The following ADAP1 variants were observed in gnomAD, a reference collection of about 807,000 sequenced individuals.
The protein encoded by ADAP1 is arf-GAP with dual PH domain-containing protein 1.
Under a neutral mutation model 54.9 loss-of-function variants are expected in ADAP1, and 31 were observed. The observed-to-expected ratio is 0.56, with a 90% CI of 0.42 to 0.76. The LOEUF (loss-of-function observed/expected upper bound fraction) is 0.76. Among genes scored for constraint, ADAP1 ranks in the 30% least tolerant of loss-of-function variants. The pLI is 0.00. For synonymous variants in ADAP1, 313 were observed against 202.6 expected (o/e 1.55, Z -4.63); for missense variants, 535 against 512.4 (o/e 1.04, Z -0.42).
At chr7:927,731 T>C (rs1305263632) in intron 2 of ADAP1, among the ~76,000 whole-genome samples, 2 of 152,028 alleles carry the variant, frequency 1.3e-5, no homozygotes, top group Non-Finnish European at 1.5e-5. Flanking sequence ...AGTGGCTGGA[T>C]GAGAAATGTC....
chr7:900,925 T>C (rs1370607845), intron 6 of ADAP1: 1 of 569,304 alleles, frequency 1.8e-6, no homozygotes, highest in Non-Finnish European at 3.4e-6. Context: ...GGGGCTGCCA[T>C]CCAAGCTCAC....
chr7:927,791 G>C (rs192911982), intron 2 of ADAP1, among the ~76,000 whole-genome samples: 10 of 152,240 alleles, frequency 6.6e-5, no homozygotes, highest in African/African-American at 9.6e-5. Context: ...CGAGAGCCTC[G>C]ACCCGAGACA....
At position 899,420 on chromosome 7, in the gene ADAP1, AG is replaced by A; in HGVS notation, c.865del (p.Leu289TrpfsTer115). On this transcript the variant is annotated frameshift_variant and splice_region_variant, in exon 9 of 11. Transcript: ENST00000265846. LOFTEE classifies it high-confidence loss of function. ...GCTGGGGCCACAGCTCCTCCTTACC[AG>A]GGGGTCTTTGAAGTACATGAGCCTG... Reference protein sequence around the residue: ...DRRLMYFKDPLDAFARGEVFI... With the variant: ...DRRLMYFKDPXDAFARGEVFI... 6.2e-7 allele frequency: 1 copy of A among 1,612,968 alleles called. No homozygotes were observed.
intron 1 of ADAP1, among the ~76,000 whole-genome samples, chr7:939,647 A>T (rs1451645965): frequency 2.0e-5 from 3 of 151,784 alleles, no homozygotes; most frequent in Non-Finnish European, 1.5e-5. Context: ...TCTGGCCAAC[A>T]TAGTGAAACC....
At chr7:923,813 C>T (rs1427529024) in intron 3 of ADAP1, among the ~76,000 whole-genome samples, 1 of 152,214 alleles carries the variant, frequency 6.6e-6, no homozygotes, top group Non-Finnish European at 1.5e-5. Flanking sequence ...GAGCTTTCCC[C>T]TGAAGACCTT....
Position 905,276 on chromosome 7 carries a change from GGACAC to G in ADAP1, c.389-109_389-105del, listed in dbSNP as rs1434273253. The stretch of plus-strand genomic sequence containing the variant: ...AGGGGACATGGGGAGAAGACACGGG[GGACAC>G]GGACGGGGGACACGGACAGGGGGAG... On this transcript the variant is annotated intron_variant, in intron 4 of 10. Coordinates refer to ENST00000265846, the MANE Select transcript of ADAP1 (RefSeq NM_006869.4). The G allele has an allele frequency of 9.6e-5, 40 of 417,184 alleles. 3 individuals are homozygous for G. The African/African-American group carries it at 1.0e-3, about 11-fold the overall frequency. 25.8% of individuals were successfully genotyped at this position (417,184 alleles called of 1,614,324 possible).
In ADAP1 at chr7:926,668, C is replaced by G; in HGVS notation, c.214-24G>C. 1 of 1,529,148 alleles carries G rather than the reference C, an allele frequency of 6.5e-7. No homozygotes were observed. Among genetic ancestry groups the G allele is most frequent in the Non-Finnish European group, 8.8e-7 (1 of 1,137,136 alleles). 94.7% of individuals were successfully genotyped at this position (1,529,148 alleles called of 1,614,324 possible). A position where few individuals can be genotyped will look rare whatever the true frequency, so the allele number is the denominator to read the frequency against. On this transcript the variant is annotated intron_variant, in intron 2 of 10. Transcript: ENST00000265846. The surrounding 1 kb of genome is among the most constrained non-coding windows in gnomAD (Gnocchi z 4.6). ...AACTGCAAGAGAGGAGGGGCCGGGT[C>G]AGAGGCCTGGGGTCCCAGGGGCAGC...
At chr7:901,256 C>A in intron 6 of ADAP1, 1 of 353,094 alleles carries the variant, frequency 2.8e-6, no homozygotes, top group Non-Finnish European at 5.6e-6. Flanking sequence ...CCTGGCTGTC[C>A]CCTGCCCCTA....
chr7:926,926 G>C lies in ADAP1; in HGVS notation c.214-282C>G, dbSNP rs962228371. On this transcript the variant is annotated intron_variant, in intron 2 of 10. Coordinates refer to ENST00000265846, the MANE Select transcript of ADAP1 (RefSeq NM_006869.4). The surrounding 1 kb of genome is among the most constrained non-coding windows in gnomAD (Gnocchi z 4.6). ...CCTTTTGAGGATGGGTCTGAGGTTT[G>C]CCCCACCGTTTCAACCCCCAAGTCC... 3 of 1,213,964 alleles carry C rather than the reference G, an allele frequency of 2.5e-6. No individual in the cohort carries two copies. The highest frequency in any genetic ancestry group is 3.2e-6 in the Non-Finnish European group (3 of 924,020). 75.2% of individuals were successfully genotyped at this position (1,213,964 alleles called of 1,614,324 possible).
chr7:905,595 AGAAAGGAGAAAGGAGAAAGGAGAAAGG>A (rs1845178818), intron 4 of ADAP1: 3 of 27,946 alleles, frequency 1.1e-4, no homozygotes, highest in Non-Finnish European at 1.1e-4. Flanking sequence ...AGGAGAAAGG[AGAAAGGAGAAAGGAGAAAGGAGAAAGG>A]GAAAGGAGAA....
chr7:915,227 A>ACCT (rs879895930), intron 4 of ADAP1, among the ~76,000 whole-genome samples: 2 of 36,620 alleles, frequency 5.5e-5, no homozygotes, highest in African/African-American at 1.4e-4. Context: ...CCCTGCACTC[A>ACCT]CACCTGCACA....
At chr7:906,709 C>CAG (rs1554272421) in intron 4 of ADAP1, among the ~76,000 whole-genome samples, 6 of 41,688 alleles carry the variant, frequency 1.4e-4, no homozygotes, top group South Asian at 7.6e-4. Context: ...ACATGGGGGA[C>CAG]GGGACATCGG....
chr7:945,737 T>A lies in ADAP1; in HGVS notation c.82+8659A>T. 1 of 985,894 alleles carries A rather than the reference T, an allele frequency of 1.0e-6. No homozygotes were observed. Among genetic ancestry groups the A allele is most frequent in the Non-Finnish European group, 1.2e-6 (1 of 830,182 alleles). The allele number at this position is 985,894 out of a possible 1,614,324, so 61.1% of individuals were successfully genotyped here. On this transcript the variant is annotated intron_variant, in intron 1 of 10. Coordinates refer to ENST00000265846, the MANE Select transcript of ADAP1 (RefSeq NM_006869.4). This position sits in a 1 kb window ranked among gnomAD's most constrained non-coding sequence, Gnocchi z 4.2. Reference sequence around the variant, plus strand: ...ACAGCCGCCAGCCTCTTTCCCTCCCTCCTCCCAGCCCCGCTCTGCCCTACC... The same window carrying A: ...ACAGCCGCCAGCCTCTTTCCCTCCCACCTCCCAGCCCCGCTCTGCCCTACC...
chr7:908,499 A>G (rs1227069636), intron 4 of ADAP1, among the ~76,000 whole-genome samples: 2 of 152,034 alleles, frequency 1.3e-5, no homozygotes, highest in Admixed American at 1.3e-4. Flanking sequence ...CCCCGTGCGC[A>G]CAGCAGCAGC....
intron 6 of ADAP1, chr7:901,073 G>A (rs368477702): frequency 3.4e-5 from 16 of 469,776 alleles, no homozygotes; most frequent in Non-Finnish European, 5.7e-5. Context: ...GTTTATAAAC[G>A]CCCTTGGAGC....
chr7:949,258 A>G lies in ADAP1; in HGVS notation c.82+5138T>C, dbSNP rs557643302. ...TTGTGGGCCTCTGCCTCCCCCGGGC[A>G]CATGAGCACATACCTCCTGGCCACA... On this transcript the variant is annotated intron_variant, in intron 1 of 10. Coordinates refer to ENST00000265846, the MANE Select transcript of ADAP1 (RefSeq NM_006869.4). Among the ~76,000 whole-genome samples the G allele has an allele frequency of 2.6e-3, 395 of 152,308 alleles. 2 individuals carry two copies. Among genetic ancestry groups the G allele is most frequent in the African/African-American group, 8.9e-3 (370 of 41,574 alleles).
In ADAP1 at chr7:904,943, C is replaced by T. The variant is rs531882191; in HGVS notation, c.501+117G>A. On this transcript the variant is annotated intron_variant, in intron 5 of 10. Transcript: ENST00000265846. ...GCCGGTTCTCCTGGAGCGTCCCCAT[C>T]GGGGGGGGCAGCAGGGAGGGCAGCT... The T allele has an allele frequency of 4.7e-3, 4,001 of 854,066 alleles. 13 individuals are homozygous for T. The highest frequency in any genetic ancestry group is 5.8e-3 in the Non-Finnish European group (3,132 of 535,796). 52.9% of individuals were successfully genotyped at this position (854,066 alleles called of 1,614,324 possible). A position where few individuals can be genotyped will look rare whatever the true frequency, so the allele number is the denominator to read the frequency against.
Position 898,693 on chromosome 7 carries a change from G to A in ADAP1, c.*228C>T, listed in dbSNP as rs1844625082. On this transcript the variant is annotated 3_prime_UTR_variant, in exon 11 of 11. Coordinates refer to ENST00000265846, the MANE Select transcript of ADAP1 (RefSeq NM_006869.4). ...GGGGCAGGTTGGCTGGGTGTGGTCA[G>A]CAGCAGCATGACGGGGTTAGAGATC... The A allele has an allele frequency of 1.7e-6, 1 of 605,440 alleles. No individual in the cohort carries two copies. The allele number at this position is 605,440 out of a possible 1,614,324, so 37.5% of individuals were successfully genotyped here.
intron 4 of ADAP1, 66 bp from the exon 5 acceptor site, chr7:905,238 A>C (rs1355349980): frequency 4.2e-6 from 5 of 1,186,410 alleles, no homozygotes; most frequent in Admixed American, 1.8e-5. Context: ...AGGAGTGACG[A>C]TGGACAGGAC....
Sources: gnomAD v4.1 joint callset for allele counts (sites outside exome capture counted in the v4.1 genomes callset) on GRCh38, gnomAD v4.1.1 for gene constraint, Gnocchi (gnomAD v3.1) non-coding constraint, MANE v1.5 for transcripts, NCBI Gene and HGNC (gene_info 2026-07-23, HGNC 2026-07-21) for gene names.